The following MYZAP variants were observed in gnomAD, a reference collection of about 807,000 sequenced individuals.
The protein encoded by MYZAP is myocardial zonula adherens protein, also known as GRINL1A complex locus upstream.
A neutral mutation model predicts 69.4 loss-of-function variants in MYZAP; 66 were observed. The ratio of observed to expected loss-of-function variants is 0.95; its 90% CI spans 0.78 to 1.17. The LOEUF (loss-of-function observed/expected upper bound fraction) is 1.17, where lower values mean the gene tolerates loss of function less well. MYZAP is among the 50% of genes most tolerant of loss of function. MYZAP has a pLI of 0.00. For missense variants in MYZAP, 611 were observed against 556.2 expected (o/e 1.10, Z -0.99); for synonymous variants, 256 against 205.9 (o/e 1.24, Z -2.09).
chr15:57,637,871 T>C (rs1177027143), intron 9 of MYZAP, 97 bp downstream of exon 9: 14 of 1,277,202 alleles, frequency 1.1e-5, no homozygotes, highest in Middle Eastern at 3.7e-4. Context: ...ATTTGTGTGG[T>C]TGTACCTTAT....
chr15:57,598,098 T>G (rs926909832), intron 1 of MYZAP, among the ~76,000 whole-genome samples: 7 of 151,998 alleles, frequency 4.6e-5, no homozygotes, highest in African/African-American at 1.7e-4. Flanking sequence ...CCCTTTTTAT[T>G]TGAGATAGAT....
intron 1 of MYZAP, among the ~76,000 whole-genome samples, chr15:57,593,511 G>A (rs1391648547): frequency 1.3e-5 from 2 of 152,122 alleles, no homozygotes; most frequent in African/African-American, 4.8e-5. Context: ...TCCAGAGGTG[G>A]GGATTAGTTG....
intron 11 of MYZAP, among the ~76,000 whole-genome samples, chr15:57,670,360 C>T (rs1595933949): frequency 1.3e-5 from 2 of 152,060 alleles, no homozygotes; most frequent in Admixed American, 1.3e-4. Flanking sequence ...TTTGTCAATA[C>T]TCTTTGTCTT....
intron 8 of MYZAP, among the ~76,000 whole-genome samples, chr15:57,636,941 T>C (rs1383984928): frequency 6.6e-6 from 1 of 152,184 alleles, no homozygotes; most frequent in East Asian, 1.9e-4. Flanking sequence ...GCTGGATTCC[T>C]TTTGGAAGCT....
At chr15:57,598,758 C>T (rs2034226158) in intron 1 of MYZAP, among the ~76,000 whole-genome samples, 1 of 152,114 alleles carries the variant, frequency 6.6e-6, no homozygotes, top group Non-Finnish European at 1.5e-5. Flanking sequence ...CCTGTCCTAC[C>T]CAGGCTTAGG....
intron 10 of MYZAP, chr15:57,646,718 G>A (rs1442340739): frequency 2.0e-6 from 2 of 986,630 alleles, no homozygotes; most frequent in Non-Finnish European, 2.4e-6. Flanking sequence ...GGCCCTGAAG[G>A]TGTCCTTCCT....
intron 8 of MYZAP, among the ~76,000 whole-genome samples, chr15:57,634,819 C>A (rs1230333101): frequency 2.0e-5 from 3 of 152,194 alleles, no homozygotes; most frequent in Admixed American, 2.0e-4. Context: ...AGAATCCCAT[C>A]TTTTATTGAA....
At chr15:57,623,802 TAAAA>T (rs60114009) in intron 4 of MYZAP, among the ~76,000 whole-genome samples, 1 of 132,802 alleles carries the variant, frequency 7.5e-6, no homozygotes, top group Non-Finnish European at 1.6e-5. Context: ...AGTTGTAAAT[TAAAA>T]AAAAAAAAAA....
chr15:57,624,994 G>C (rs180706147), intron 4 of MYZAP, among the ~76,000 whole-genome samples: 83 of 151,624 alleles, frequency 5.5e-4, no homozygotes, highest in African/African-American at 2.0e-3. Flanking sequence ...TTCTGACTCA[G>C]ACATGTTAAA....
intron 10 of MYZAP, among the ~76,000 whole-genome samples, chr15:57,641,045 A>G (rs1290218376): frequency 6.6e-6 from 1 of 152,204 alleles, no homozygotes; most frequent in Non-Finnish European, 1.5e-5. Context: ...ACACGCACGA[A>G]GTCTGGGGCA....
At chr15:57,619,516 T>C (rs1321021435) in intron 3 of MYZAP, among the ~76,000 whole-genome samples, 2 of 152,112 alleles carry the variant, frequency 1.3e-5, no homozygotes, top group Admixed American at 1.3e-4. Flanking sequence ...CAGCTGGGAC[T>C]GCAGGTGCGC....
At chr15:57,674,054 C>T (rs1265059569) in intron 11 of MYZAP, among the ~76,000 whole-genome samples, 1 of 152,172 alleles carries the variant, frequency 6.6e-6, no homozygotes, top group Non-Finnish European at 1.5e-5. Flanking sequence ...TCTAGCGTTA[C>T]TGAAAAATAT....
intron 11 of MYZAP, among the ~76,000 whole-genome samples, chr15:57,667,386 G>A (rs1175401949): frequency 6.6e-6 from 1 of 152,080 alleles, no homozygotes; most frequent in African/African-American, 2.4e-5. Flanking sequence ...TTCTCCCTTC[G>A]TGAAAGGCAC....
rs2140695222 is a variant in MYZAP at position 57,685,309 on chromosome 15, A to T, written c.*811A>T. On this transcript the variant is annotated 3_prime_UTR_variant, in exon 13 of 13. Coordinates refer to ENST00000267853, the MANE Select transcript of MYZAP (RefSeq NM_001018100.5). ...ATCTGTTCATGCATGCTCTACTTTG[A>T]TATTATAACCTATGTCACATGTGTT... 1 of 152,228 alleles carries T rather than the reference A, an allele frequency of 6.6e-6. No individual in the cohort carries two copies. Among genetic ancestry groups the T allele is most frequent in the Non-Finnish European group, 1.5e-5 (1 of 68,024 alleles). The allele number at this position is 152,228 out of a possible 1,614,324, so 9.4% of individuals were successfully genotyped here. A position where few individuals can be genotyped will look rare whatever the true frequency, so the allele number is the denominator to read the frequency against.
intron 5 of MYZAP, 36 bp from the exon 6 acceptor site, chr15:57,629,666 C>G: frequency 6.3e-7 from 1 of 1,599,388 alleles, no homozygotes; most frequent in Non-Finnish European, 8.5e-7. Context: ...TTTCACGCCA[C>G]CGGATCTGGT....
At chr15:57,600,653 C>T (rs569338648) in intron 1 of MYZAP, among the ~76,000 whole-genome samples, 6 of 152,260 alleles carry the variant, frequency 3.9e-5, no homozygotes, top group East Asian at 3.9e-4. Flanking sequence ...ATCAACCAAC[C>T]GAAAGTCATC....
chr15:57,665,119 A>T (rs751615484), intron 11 of MYZAP, among the ~76,000 whole-genome samples: 12 of 152,230 alleles, frequency 7.9e-5, no homozygotes, highest in Non-Finnish European at 1.6e-4. Context: ...GGAGACTATC[A>T]TCAAACTCAG....
At chr15:57,649,887 CTTTA>C (rs1252334412) in intron 10 of MYZAP, among the ~76,000 whole-genome samples, 1 of 152,138 alleles carries the variant, frequency 6.6e-6, no homozygotes, top group African/African-American at 2.4e-5. Context: ...ATGTCATGCA[CTTTA>C]TTTATCTGTT....
At chr15:57,668,357 C>T (rs1285814864) in intron 11 of MYZAP, among the ~76,000 whole-genome samples, 2 of 152,014 alleles carry the variant, frequency 1.3e-5, no homozygotes, top group Non-Finnish European at 1.5e-5. Context: ...TTTAAGAGAC[C>T]GTCAGTTTTT....
Sources: gnomAD v4.1 joint callset for allele counts (sites outside exome capture counted in the v4.1 genomes callset) on GRCh38, gnomAD v4.1.1 for gene constraint, MANE v1.5 for transcripts, NCBI Gene and HGNC (gene_info 2026-07-23, HGNC 2026-07-21) for gene names.